The following SLC9A9 variants were observed in gnomAD, a reference collection of about 807,000 sequenced individuals.
SLC9A9 encodes solute carrier family 9 member A9.
Under a neutral mutation model 77.8 loss-of-function variants are expected in SLC9A9, and 62 were observed. That is an observed-to-expected ratio of 0.80 (90% confidence interval 0.65 to 0.98). SLC9A9 has a LOEUF of 0.98. Among genes scored for constraint, SLC9A9 ranks in the 50% least tolerant of loss-of-function variants. SLC9A9 has a pLI of 0.00. For missense variants in SLC9A9, 775 were observed against 774.9 expected (o/e 1.00, Z 0.00); for synonymous variants, 320 against 283.5 (o/e 1.13, Z -1.29).
At chr3:143,776,280 A>G (rs1389280213) in intron 4 of SLC9A9, among the ~76,000 whole-genome samples, 3 of 152,228 alleles carry the variant, frequency 2.0e-5, no homozygotes, top group Non-Finnish European at 4.4e-5. Context: ...TAGAAAGGTC[A>G]TTATTAACAG....
intron 11 of SLC9A9, among the ~76,000 whole-genome samples, chr3:143,474,557 G>A (rs576077796): frequency 1.3e-5 from 2 of 152,036 alleles, no homozygotes; most frequent in East Asian, 1.9e-4. Flanking sequence ...TATGAGAGGA[G>A]AACTCAGCCC....
At chr3:143,606,762 G>A (rs953011022) in intron 6 of SLC9A9, among the ~76,000 whole-genome samples, 12 of 151,194 alleles carry the variant, frequency 7.9e-5, no homozygotes, top group African/African-American at 2.9e-4. Flanking sequence ...CAGAACACAG[G>A]TTAAAAAACA....
At chr3:143,788,365 C>T (rs1419717489) in intron 4 of SLC9A9, among the ~76,000 whole-genome samples, 3 of 152,074 alleles carry the variant, frequency 2.0e-5, no homozygotes, top group Admixed American at 6.5e-5. Flanking sequence ...AATTTGACAG[C>T]ATTAAAATCA....
intron 12 of SLC9A9, among the ~76,000 whole-genome samples, chr3:143,438,203 G>C (rs941134655): frequency 2.6e-5 from 4 of 152,220 alleles, no homozygotes; most frequent in Non-Finnish European, 5.9e-5. Context: ...ACAGTTTATA[G>C]CTAGCATGGA....
intron 2 of SLC9A9, among the ~76,000 whole-genome samples, chr3:143,800,050 C>T (rs866882596): frequency 7.2e-5 from 11 of 152,240 alleles, no homozygotes; most frequent in South Asian, 4.1e-4. Context: ...CTTATTAAGT[C>T]GAGACATTTT....
At chr3:143,482,837 T>G (rs1348914047) in intron 11 of SLC9A9, among the ~76,000 whole-genome samples, 1 of 152,242 alleles carries the variant, frequency 6.6e-6, no homozygotes, top group Non-Finnish European at 1.5e-5. Flanking sequence ...CAACAGAGTG[T>G]TGCCTTTTTG....
chr3:143,413,779 A>ACT (rs1263481507), intron 12 of SLC9A9, among the ~76,000 whole-genome samples: 1 of 86,576 alleles, frequency 1.2e-5, no homozygotes, highest in Non-Finnish European at 2.3e-5. Flanking sequence ...AGTATTATTA[A>ACT]CTGTGTGTGT....
chr3:143,736,900 G>A (rs530100605), intron 4 of SLC9A9, among the ~76,000 whole-genome samples: 1 of 152,270 alleles, frequency 6.6e-6, no homozygotes, highest in African/African-American at 2.4e-5. Flanking sequence ...AGTGGGTAGG[G>A]AACATTAAGA....
chr3:143,726,571 A>G (rs1361064769), intron 4 of SLC9A9, among the ~76,000 whole-genome samples: 1 of 152,198 alleles, frequency 6.6e-6, no homozygotes, highest in Non-Finnish European at 1.5e-5. Context: ...GAGTATTCTG[A>G]ACACAGTATG....
intron 9 of SLC9A9, among the ~76,000 whole-genome samples, chr3:143,518,992 C>G (rs569237854): frequency 6.6e-6 from 1 of 152,344 alleles, no homozygotes; most frequent in South Asian, 2.1e-4. Context: ...CTTGCCCAAA[C>G]TTGACATTTG....
chr3:143,338,516 C>A (rs1026969348), intron 14 of SLC9A9, among the ~76,000 whole-genome samples: 37 of 152,128 alleles, frequency 2.4e-4, no homozygotes, highest in African/African-American at 8.7e-4. Flanking sequence ...TTAAATCATT[C>A]CCAACCAAAA....
intron 13 of SLC9A9, 82 bp from the exon 14 acceptor site, chr3:143,363,645 A>G (rs2032817509): frequency 8.1e-7 from 1 of 1,234,216 alleles, no homozygotes; most frequent in South Asian, 1.3e-5. Flanking sequence ...ACCAAGTTAA[A>G]TTTAACTACA....
At chr3:143,811,597 G>C (rs1453323775) in intron 2 of SLC9A9, 1 of 444,150 alleles carries the variant, frequency 2.3e-6, no homozygotes, top group East Asian at 7.0e-5. Flanking sequence ...TATAATCCCA[G>C]TACTTTGGGA....
Position 143,693,311 on chromosome 3 carries a change from T to C in SLC9A9, c.534-4A>G. The C allele has an allele frequency of 6.2e-7, 1 of 1,608,844 alleles. No individual in the cohort carries two copies. The highest frequency in any genetic ancestry group is 8.5e-7 in the Non-Finnish European group (1 of 1,175,512). ...CACAAAACCATACATAATTAACCTG[T>C]TGAAGAGAAAAACATGACCTTCAAA... On this transcript the variant is annotated splice_region_variant and splice_polypyrimidine_tract_variant and intron_variant, in intron 4 of 15. Transcript: ENST00000316549.
At chr3:143,535,969 T>C (rs1244495785) in intron 9 of SLC9A9, among the ~76,000 whole-genome samples, 3 of 152,132 alleles carry the variant, frequency 2.0e-5, no homozygotes, top group South Asian at 2.1e-4. Flanking sequence ...CTCCAGAGAA[T>C]TGACACTGAG....
rs2039115666 is a variant in SLC9A9, at chr3:143,668,873, GAAC to G, written c.650-16516_650-16514del. Among the ~76,000 whole-genome samples the G allele has an allele frequency of 6.6e-5, 10 of 152,232 alleles. No individual in the cohort carries two copies. In the South Asian group the frequency reaches 2.1e-3, roughly 32 times the overall value. On this transcript the variant is annotated intron_variant, in intron 5 of 15. Transcript: ENST00000316549. Reference sequence around the variant, plus strand: ...CCATTTCAGTGCAAAATAATAAATTGAACAACACAATTCCTTGTCTGTAGCACC... The same window carrying G: ...CCATTTCAGTGCAAAATAATAAATTGAACACAATTCCTTGTCTGTAGCACC...
intron 14 of SLC9A9, among the ~76,000 whole-genome samples, chr3:143,279,318 A>AACTT (rs1171789120): frequency 6.6e-6 from 1 of 152,186 alleles, no homozygotes; most frequent in Non-Finnish European, 1.5e-5. Flanking sequence ...TTCAAGTGAG[A>AACTT]ACTTACACAA....
At chr3:143,456,112 TA>T (rs1559924565) in intron 12 of SLC9A9, among the ~76,000 whole-genome samples, 1 of 152,084 alleles carries the variant, frequency 6.6e-6, no homozygotes, top group Non-Finnish European at 1.5e-5. Flanking sequence ...AAGTTTTTTT[TA>T]ATCATGAATA....
At chr3:143,687,292 G>A (rs1173289362) in intron 5 of SLC9A9, among the ~76,000 whole-genome samples, 1 of 152,138 alleles carries the variant, frequency 6.6e-6, no homozygotes, top group Non-Finnish European at 1.5e-5. Flanking sequence ...AAATGGCCAA[G>A]AAATGTCAGA....
Sources: allele counts gnomAD v4.1 joint callset (sites outside exome capture counted in the v4.1 genomes callset), GRCh38; gene constraint gnomAD v4.1.1; transcripts MANE v1.5; gene names NCBI Gene and HGNC (gene_info 2026-07-23, HGNC 2026-07-21).